TEAD1: variants seen among roughly 807,000 people sequenced by gnomAD.
TEAD1 encodes transcriptional enhancer factor TEF-1.
TEAD1 carries 9 observed loss-of-function variants against 54.9 expected under a neutral mutation model. That is an observed-to-expected ratio of 0.16 (90% CI 0.10 to 0.29). The LOEUF (loss-of-function observed/expected upper bound fraction) is 0.29, where lower values mean the gene tolerates loss of function less well. Among genes scored for constraint, TEAD1 ranks in the 10% least tolerant of loss-of-function variants. The pLI is 1.00. For synonymous variants in TEAD1, 200 were observed against 187.8 expected (o/e 1.07, Z -0.53); for missense variants, 387 against 535.9 (o/e 0.72, Z 2.74).
At chr11:12,931,163 C>G (rs1355498830) in intron 12 of TEAD1, among the ~76,000 whole-genome samples, 1 of 152,158 alleles carries the variant, frequency 6.6e-6, no homozygotes, top group African/African-American at 2.4e-5. Context: ...TGTTCAAGGT[C>G]CATGATGGGA....
chr11:12,876,137 G>C (rs1174381946), intron 5 of TEAD1, among the ~76,000 whole-genome samples: 1 of 152,064 alleles, frequency 6.6e-6, no homozygotes, highest in Non-Finnish European at 1.5e-5. Flanking sequence ...TTAGGTACCT[G>C]GTAGAATGCT....
At chr11:12,825,726 TA>T (rs1279337775) in intron 3 of TEAD1, among the ~76,000 whole-genome samples, 1 of 152,208 alleles carries the variant, frequency 6.6e-6, no homozygotes, top group Middle Eastern at 3.4e-3. Flanking sequence ...AAAAAAAGAT[TA>T]GGGGTCTTAT....
intron 3 of TEAD1, among the ~76,000 whole-genome samples, chr11:12,770,454 C>T (rs2133934168): frequency 6.6e-6 from 1 of 152,300 alleles, no homozygotes; most frequent in African/African-American, 2.4e-5. Context: ...TATTGAGGGC[C>T]TGCACTGTGC....
At chr11:12,773,929 A>G (rs1183150532) in intron 3 of TEAD1, among the ~76,000 whole-genome samples, 1 of 152,144 alleles carries the variant, frequency 6.6e-6, no homozygotes, top group African/African-American at 2.4e-5. Flanking sequence ...GTATGTTTTA[A>G]ATGTAGGTCT....
At chr11:12,876,362 C>G (rs1207076970) in intron 5 of TEAD1, among the ~76,000 whole-genome samples, 1 of 152,132 alleles carries the variant, frequency 6.6e-6, no homozygotes, top group African/African-American at 2.4e-5. Flanking sequence ...TGTGGAGATG[C>G]AGGGAACTCA....
intron 3 of TEAD1, among the ~76,000 whole-genome samples, chr11:12,813,705 C>T (rs780478331): frequency 3.4e-4 from 52 of 152,172 alleles, no homozygotes; most frequent in Non-Finnish European, 7.4e-5. Context: ...AGATGCTAAC[C>T]ATGACACACT....
intron 10 of TEAD1, among the ~76,000 whole-genome samples, chr11:12,914,352 G>T (rs984369000): frequency 6.6e-6 from 1 of 152,172 alleles, no homozygotes; most frequent in Non-Finnish European, 1.5e-5. Flanking sequence ...ATAATTAGCG[G>T]GAAGTAACTT....
chr11:12,807,249 C>A (rs1288895852), intron 3 of TEAD1, among the ~76,000 whole-genome samples: 1 of 152,166 alleles, frequency 6.6e-6, no homozygotes, highest in Non-Finnish European at 1.5e-5. Context: ...AGCTGGTCAA[C>A]CTTTAGTGTT....
chr11:12,764,236 G>A lies in TEAD1; in HGVS notation c.4G>A (p.Glu2Lys). 1 of 1,613,404 alleles carries A rather than the reference G, an allele frequency of 6.2e-7. No homozygotes were observed. Among genetic ancestry groups the A allele is most frequent in the Non-Finnish European group, 8.5e-7 (1 of 1,179,844 alleles). Residue 2 changes from glutamate (E) to lysine (K), a missense_variant, in exon 3 of 13, where the codon GAG becomes AAG. Coordinates refer to ENST00000527636, the MANE Select transcript of TEAD1 (RefSeq NM_021961.6). ...CTTGGAAAATCCCACCGCCAAAATTGAGCCCAGCAGCTGGAGCGGCAGTGA... is the reference window on the plus strand; with the variant it reads ...CTTGGAAAATCCCACCGCCAAAATTAAGCCCAGCAGCTGGAGCGGCAGTGA...
intron 3 of TEAD1, among the ~76,000 whole-genome samples, chr11:12,843,814 C>T (rs1232212481): frequency 6.6e-6 from 1 of 152,130 alleles, no homozygotes; most frequent in African/African-American, 2.4e-5. Context: ...AAAACTTGTT[C>T]TTTTTAAAAA....
intron 9 of TEAD1, among the ~76,000 whole-genome samples, chr11:12,891,077 T>C (rs189704591): frequency 2.0e-5 from 3 of 152,292 alleles, no homozygotes; most frequent in Admixed American, 2.0e-4. Flanking sequence ...AATTAGTTTT[T>C]AAAATCAATT....
chr11:12,751,106 T>C (rs1322804635), intron 2 of TEAD1, among the ~76,000 whole-genome samples: 1 of 151,466 alleles, frequency 6.6e-6, no homozygotes, highest in Non-Finnish European at 1.5e-5. Context: ...AGGCCAGCAG[T>C]TTGAAATGAG....
intron 5 of TEAD1, 192 bp downstream of exon 5, chr11:12,865,092 C>T (rs976483271): frequency 1.5e-5 from 10 of 686,842 alleles, no homozygotes; most frequent in African/African-American, 3.6e-5. Context: ...TGTGTGTGAG[C>T]GCGTGTGTGT....
intron 2 of TEAD1, among the ~76,000 whole-genome samples, chr11:12,686,632 G>T (rs1394271759): frequency 6.6e-6 from 1 of 151,996 alleles, no homozygotes; most frequent in Non-Finnish European, 1.5e-5. Flanking sequence ...CTGTGGTCTT[G>T]GCACTCTTGA....
At chr11:12,727,838 T>C (rs773080820) in intron 2 of TEAD1, among the ~76,000 whole-genome samples, 5 of 152,204 alleles carry the variant, frequency 3.3e-5, no homozygotes, top group Non-Finnish European at 7.3e-5. Context: ...CAGGCTTTCA[T>C]AGTCCTTGTT....
intron 2 of TEAD1, among the ~76,000 whole-genome samples, chr11:12,753,455 C>T (rs1944918759): frequency 1.3e-5 from 2 of 152,144 alleles, no homozygotes; most frequent in Admixed American, 1.3e-4. Flanking sequence ...TACTGTAGCT[C>T]TTCTAGTGGC....
chr11:12,782,251 A>G (rs1456036467), intron 3 of TEAD1, among the ~76,000 whole-genome samples: 1 of 152,240 alleles, frequency 6.6e-6, no homozygotes, highest in Non-Finnish European at 1.5e-5. Context: ...GGTAATAGCT[A>G]TACAATGGAA....
intron 2 of TEAD1, among the ~76,000 whole-genome samples, chr11:12,721,712 G>A (rs748086159): frequency 6.6e-6 from 1 of 152,250 alleles, no homozygotes; most frequent in Non-Finnish European, 1.5e-5. Context: ...AAAAAGTCTG[G>A]AAAATATAGA....
Position 12,938,432 on chromosome 11 carries a change from A to T in TEAD1, c.*1210A>T, listed in dbSNP as rs1447348184. ...GGGCTATATGTGTAGGTATGTGTATACATATACACAAATGCACATATAGAG... is the reference window on the plus strand; with the variant it reads ...GGGCTATATGTGTAGGTATGTGTATTCATATACACAAATGCACATATAGAG... On this transcript the variant is annotated 3_prime_UTR_variant, in exon 13 of 13. Transcript: ENST00000527636. 30 of 152,514 alleles carry T rather than the reference A, an allele frequency of 2.0e-4. No individual in the cohort carries two copies. Among genetic ancestry groups the T allele is most frequent in the Admixed American group, 2.0e-3 (30 of 15,288 alleles). 9.4% of individuals were successfully genotyped at this position (152,514 alleles called of 1,614,324 possible). A position where few individuals can be genotyped will look rare whatever the true frequency, so the allele number is the denominator to read the frequency against.
Sources: allele counts gnomAD v4.1 joint callset (sites outside exome capture counted in the v4.1 genomes callset), GRCh38; gene constraint gnomAD v4.1.1; transcripts MANE v1.5; gene names NCBI Gene and HGNC (gene_info 2026-07-23, HGNC 2026-07-21).